The following RASGRF2 variants were observed in gnomAD, a reference collection of about 807,000 sequenced individuals.
RASGRF2 encodes the protein ras-specific guanine nucleotide-releasing factor 2.
In RASGRF2, 76 loss-of-function variants were observed where a neutral mutation model predicts 151.0. That is an observed-to-expected ratio of 0.50 (90% CI 0.42 to 0.61). The LOEUF is 0.61. Ranked by LOEUF, RASGRF2 falls within the 20% of genes least tolerant of loss-of-function variation. The pLI is 0.00. For missense variants in RASGRF2, 1,148 were observed against 1,564.6 expected, an observed-to-expected ratio of 0.73 and a Z score of 4.49; for synonymous variants, 504 against 566.5, an observed-to-expected ratio of 0.89 and a Z score of 1.57.
chr5:80,980,039 T>C (rs1013638044), intron 1 of RASGRF2, among the ~76,000 whole-genome samples: 1 of 152,224 alleles, frequency 6.6e-6, no homozygotes, highest in African/African-American at 2.4e-5. Flanking sequence ...CATTTTTTCA[T>C]ATTCTTCCAT....
intron 1 of RASGRF2, among the ~76,000 whole-genome samples, chr5:81,029,150 G>A (rs1022358564): frequency 6.6e-6 from 1 of 152,212 alleles, no homozygotes; most frequent in African/African-American, 2.4e-5. Flanking sequence ...AAGTAGCTGG[G>A]AAGCTCTAAC....
intron 12 of RASGRF2, among the ~76,000 whole-genome samples, chr5:81,107,750 A>G (rs2112533243): frequency 6.6e-6 from 1 of 152,372 alleles, no homozygotes; most frequent in Middle Eastern, 3.4e-3. Context: ...ACATATAAGC[A>G]AAAATGGCCA....
intron 1 of RASGRF2, among the ~76,000 whole-genome samples, chr5:80,995,328 C>T (rs1221061390): frequency 6.6e-6 from 1 of 150,896 alleles, no homozygotes; most frequent in Admixed American, 6.6e-5. Flanking sequence ...TCTAAGCAAC[C>T]TCTGATCTGA....
intron 17 of RASGRF2, among the ~76,000 whole-genome samples, chr5:81,155,704 C>T (rs960881818): frequency 4.6e-5 from 7 of 152,078 alleles, no homozygotes; most frequent in African/African-American, 9.7e-5. Flanking sequence ...AAGCACTGAA[C>T]GCTAGGGTGA....
chr5:80,962,767 G>C (rs769482289), intron 1 of RASGRF2, among the ~76,000 whole-genome samples: 2 of 152,086 alleles, frequency 1.3e-5, no homozygotes, highest in African/African-American at 2.4e-5. Flanking sequence ...CTTTAATAAG[G>C]AAACATAACT....
chr5:81,131,203 T>C (rs1753609001), intron 17 of RASGRF2, among the ~76,000 whole-genome samples: 1 of 151,850 alleles, frequency 6.6e-6, no homozygotes, highest in East Asian at 1.9e-4. Flanking sequence ...TGCAAGGAGG[T>C]CAAGACAAGA....
chr5:80,972,676 C>T (rs1747976991), intron 1 of RASGRF2, among the ~76,000 whole-genome samples: 1 of 152,090 alleles, frequency 6.6e-6, no homozygotes, highest in African/African-American at 2.4e-5. Context: ...GACAGGGTTT[C>T]ATCATGTTGG....
chr5:81,028,087 G>A (rs1046525829), intron 1 of RASGRF2, among the ~76,000 whole-genome samples: 4 of 152,088 alleles, frequency 2.6e-5, no homozygotes, highest in African/African-American at 9.7e-5. Flanking sequence ...TCTGGTCTGG[G>A]ATTCTTGAGG....
chr5:81,209,879 T>C (rs547229022), intron 22 of RASGRF2, among the ~76,000 whole-genome samples: 64 of 152,296 alleles, frequency 4.2e-4, no homozygotes, highest in African/African-American at 1.5e-3. Flanking sequence ...GTTCTCAGTC[T>C]TGGGTAGTGG....
At chr5:81,124,250 G>C (rs1335094029) in intron 16 of RASGRF2, among the ~76,000 whole-genome samples, 6 of 152,164 alleles carry the variant, frequency 3.9e-5, no homozygotes, top group Non-Finnish European at 8.8e-5. Context: ...AGGAAACAAG[G>C]GATGACTGTA....
At chr5:81,099,037 G>A (rs943934619) in intron 12 of RASGRF2, among the ~76,000 whole-genome samples, 2 of 152,112 alleles carry the variant, frequency 1.3e-5, no homozygotes, top group South Asian at 2.1e-4. Context: ...TTAGAATTAC[G>A]TGAGGACTGT....
At chr5:81,195,915 G>A (rs1485736269) in intron 18 of RASGRF2, among the ~76,000 whole-genome samples, 1 of 152,174 alleles carries the variant, frequency 6.6e-6, no homozygotes, top group Non-Finnish European at 1.5e-5. Context: ...GAGACCATGA[G>A]ATTATGGTTC....
At chr5:81,060,642 A>G (rs1012897868) in intron 2 of RASGRF2, among the ~76,000 whole-genome samples, 2 of 152,198 alleles carry the variant, frequency 1.3e-5, no homozygotes, top group East Asian at 3.9e-4. Context: ...CAAATATACA[A>G]CACTCAGTAA....
chr5:81,197,789 CTG>C (rs1440628704), intron 18 of RASGRF2, among the ~76,000 whole-genome samples: 1 of 152,142 alleles, frequency 6.6e-6, no homozygotes, highest in Non-Finnish European at 1.5e-5. Context: ...ACACTCATGT[CTG>C]TACATATAAA....
intron 17 of RASGRF2, among the ~76,000 whole-genome samples, chr5:81,152,356 G>T (rs971624851): frequency 6.6e-6 from 1 of 151,734 alleles, no homozygotes. Flanking sequence ...CTCAGCCTTT[G>T]GACAATTACT....
rs75553722 is a variant in RASGRF2, at chr5:81,193,365, T to C, written c.2794-7965T>C. ...AGCCTCATTAATGCAAACTAGTTTA[T>C]TCAGACTGGAAACCACAGTTTCCAG... On this transcript the variant is annotated intron_variant, in intron 18 of 26. Coordinates refer to ENST00000265080, the MANE Select transcript of RASGRF2 (RefSeq NM_006909.3). 5.8e-3 allele frequency among the ~76,000 whole-genome samples: 884 copies of C among 152,308 alleles called. 10 individuals are homozygous for C. Among genetic ancestry groups the C allele is most frequent in the African/African-American group, 0.02 (835 of 41,566 alleles).
At chr5:81,083,237 G>A (rs539596658) in intron 7 of RASGRF2, among the ~76,000 whole-genome samples, 30 of 151,408 alleles carry the variant, frequency 2.0e-4, no homozygotes, top group African/African-American at 7.0e-4. Context: ...CCTTGTAAGG[G>A]TGGACGCCTC....
chr5:81,036,018 G>T (rs1750478848), intron 1 of RASGRF2, among the ~76,000 whole-genome samples: 1 of 152,028 alleles, frequency 6.6e-6, no homozygotes. Context: ...TATTTCAGAA[G>T]ACATTTTTAG....
chr5:81,109,643 ACAACAGTG>A lies in RASGRF2; in HGVS notation c.1838+569_1838+576del, dbSNP rs752671732. 4.1e-4 allele frequency among the ~76,000 whole-genome samples: 62 copies of A among 152,272 alleles called. 1 individual carries two copies. The Middle Eastern group carries it at 0.024, about 58-fold the overall frequency. On this transcript the variant is annotated intron_variant, in intron 13 of 26. Coordinates refer to ENST00000265080, the MANE Select transcript of RASGRF2 (RefSeq NM_006909.3). ...ATCACGCCATTGCACTTCAGCCTGG[ACAACAGTG>A]CAAGACTCCATTTAAAAAAAAAATA... is the stretch of plus-strand genomic sequence containing the variant.
Sources: allele counts gnomAD v4.1 joint callset (sites outside exome capture counted in the v4.1 genomes callset), GRCh38; gene constraint gnomAD v4.1.1; transcripts MANE v1.5; gene names NCBI Gene and HGNC (gene_info 2026-07-23, HGNC 2026-07-21).